Variants in SFTPC observed in about 807,000 individuals in gnomAD.
SFTPC encodes the protein BRICHOS domain containing 6.
A neutral mutation model predicts 19.9 loss-of-function variants in SFTPC; 12 were observed. The observed-to-expected ratio is 0.60, with a 90% CI of 0.39 to 0.98. The LOEUF is 0.98. Ranked by LOEUF, SFTPC falls within the 50% of genes least tolerant of loss-of-function variation. SFTPC has a pLI of 0.00. For missense variants in SFTPC, 219 were observed against 252.2 expected (o/e 0.87, Z 0.89); for synonymous variants, 123 against 103.3 (o/e 1.19, Z -1.16).
intron 5 of SFTPC, 62 bp from the exon 6 acceptor site, chr8:22,164,204 G>C (rs956368737): frequency 6.5e-7 from 1 of 1,528,952 alleles, no homozygotes; most frequent in Non-Finnish European, 8.7e-7. Context: ...GAAGCTCACA[G>C]ACCGGTACTT....
Position 22,163,974 on chromosome 8 carries a change from G to T in SFTPC, c.509G>T (p.Gly170Val). The change falls in exon 5 of 6, where the codon GGG becomes GTG. Residue 170 changes from glycine (G) to valine (V), a missense_variant. Physicochemically the swap from Gly to Val is moderately radical, Grantham distance 109 (BLOSUM62 -3). Transcript: ENST00000679463. ...GATGCAGGCTCAGCACCCTCCGGAG[G>T]GGACCCGGCCTTCCTGGGCATGGCC... ...GRDAGSAPSG[G>V]DPAFLGMAVS... 1 of 1,613,012 alleles carries T rather than the reference G, an allele frequency of 6.2e-7. No individual in the cohort carries two copies. The highest frequency in any genetic ancestry group is 8.5e-7 in the Non-Finnish European group (1 of 1,180,038).
At position 22,162,671 on chromosome 8, in the gene SFTPC, T is replaced by C; in HGVS notation, c.140T>C (p.Val47Ala). The change falls in exon 2 of 6, where the codon GTC becomes GCC. Residue 47 changes from valine (V) to alanine (A), a missense_variant. Physicochemically the swap from Val to Ala is moderately conservative, Grantham distance 64 (BLOSUM62 0). Coordinates refer to ENST00000679463, the MANE Select transcript of SFTPC (RefSeq NM_001317778.2). Reference sequence around the variant, plus strand: ...GTGGTGGTGGTGGTGGTCCTCATCGTCGTGGTGATTGTGGGAGCCCTGCTC... The same window carrying C: ...GTGGTGGTGGTGGTGGTCCTCATCGCCGTGGTGATTGTGGGAGCCCTGCTC... ...LIVVVVVVLI[V>A]VVIVGALLMG... The C allele has an allele frequency of 6.2e-7, 1 of 1,614,212 alleles. No individual in the cohort carries two copies. The highest frequency in any genetic ancestry group is 8.5e-7 in the Non-Finnish European group (1 of 1,180,020).
At chr8:22,160,932 A>T (rs531647576), upstream of SFTPC, among the ~76,000 whole-genome samples, 1 of 152,282 alleles carries the variant, frequency 6.6e-6, no homozygotes, top group Non-Finnish European at 1.5e-5. Flanking sequence ...CAGAAAGGGG[A>T]GTCTAGAGGG....
At chr8:22,162,867 C>T (rs371828620) in intron 2 of SFTPC, 135 bp downstream of exon 2, 21 of 1,374,510 alleles carry the variant, frequency 1.5e-5, no homozygotes, top group African/African-American at 1.4e-4. Flanking sequence ...GAAAGAGGCA[C>T]GAACCAGGCA....
chr8:22,163,581 C>G lies in SFTPC; in HGVS notation c.435+35C>G, dbSNP rs74657125. The G allele has an allele frequency of 2.8e-4, 399 of 1,444,108 alleles. 2 individuals are homozygous for G. The African/African-American group carries it at 5.1e-3, about 18-fold the overall frequency. 89.5% of individuals were successfully genotyped at this position (1,444,108 alleles called of 1,614,324 possible). On this transcript the variant is annotated intron_variant, in intron 4 of 5. Transcript: ENST00000679463. ...TGTGGGTGAAAAGAGTGGGCTGTCT[C>G]CCTCCCAGGGCTGCTGGGAGGAGTG...
chr8:22,158,992 A>C (rs894967827), upstream of SFTPC: 1 of 152,260 alleles, frequency 6.6e-6, no homozygotes, highest in African/African-American at 2.4e-5. Flanking sequence ...TCATGGGAAC[A>C]TTCATGTGTG....
intron 3 of SFTPC, 74 bp downstream of exon 3, chr8:22,163,276 C>A: frequency 6.3e-7 from 1 of 1,591,630 alleles, no homozygotes; most frequent in Non-Finnish European, 8.6e-7. Context: ...TGGGCCACTT[C>A]ATCCACATCC....
upstream of SFTPC, among the ~76,000 whole-genome samples, chr8:22,160,998 C>T (rs1458752282): frequency 1.3e-5 from 2 of 152,092 alleles, no homozygotes; most frequent in African/African-American, 4.8e-5. Context: ...AGACTGGGAG[C>T]CCACCAGTGA....
In SFTPC at chr8:22,163,980, C is replaced by T. The variant is rs759031390; in HGVS notation, c.515C>T (p.Pro172Leu). The T allele has an allele frequency of 5.6e-6, 9 of 1,612,744 alleles. No homozygotes were observed. The highest frequency in any genetic ancestry group is 1.3e-5 in the African/African-American group (1 of 74,908). The change falls in exon 5 of 6, where the codon CCG becomes CTG. Residue 172 changes from proline to leucine, a missense_variant. Coordinates refer to ENST00000679463, the MANE Select transcript of SFTPC (RefSeq NM_001317778.2). ...GGCTCAGCACCCTCCGGAGGGGACC[C>T]GGCCTTCCTGGGCATGGCCGTGAGC... ...DAGSAPSGGD[P>L]AFLGMAVSTL...
chr8:22,160,240 G>A (rs1452505811), upstream of SFTPC, among the ~76,000 whole-genome samples: 2 of 152,160 alleles, frequency 1.3e-5, no homozygotes, highest in Non-Finnish European at 2.9e-5. Context: ...GGGGGACAGG[G>A]GAACCTGCCA....
chr8:22,163,334 G>C, intron 3 of SFTPC, 102 bp from the exon 4 acceptor site: 6 of 1,518,284 alleles, frequency 4.0e-6, no homozygotes, highest in Non-Finnish European at 5.5e-6. Flanking sequence ...CCAGATTCTA[G>C]TATGACTCCC....
chr8:22,163,934 C>G lies in SFTPC; in HGVS notation c.469C>G (p.Gln157Glu). ...KPAVPTSKLG[Q>E]AEGRDAGSAP... ...CGCAGTGCCTACGTCTAAGCTGGGC[C>G]AGGCAGAGGGGCGAGATGCAGGCTC... Residue 157 changes from glutamine (Q) to glutamate (E), a missense_variant, in exon 5 of 6, where the codon CAG (glutamine) becomes GAG (glutamate). Physicochemically the swap from Gln to Glu is conservative, Grantham distance 29. Transcript: ENST00000679463. 2 of 1,613,874 alleles carry G rather than the reference C, an allele frequency of 1.2e-6. No homozygotes were observed. Among genetic ancestry groups the G allele is most frequent in the South Asian group, 1.1e-5 (1 of 91,084 alleles).
Position 22,163,214 on chromosome 8 carries a change from C to T in SFTPC, c.324+12C>T, listed in dbSNP as rs907513801. 6.2e-7 allele frequency: 1 copy of T among 1,614,018 alleles called. No individual in the cohort carries two copies. Among genetic ancestry groups the T allele is most frequent in the Non-Finnish European group, 8.5e-7 (1 of 1,180,034 alleles). ...ATGACTACCAGCAGGTGGGTATGCCCAGACCTCCTGACCCTGGGACCAATG... is the reference window on the plus strand; with the variant it reads ...ATGACTACCAGCAGGTGGGTATGCCTAGACCTCCTGACCCTGGGACCAATG... On this transcript the variant is annotated intron_variant, in intron 3 of 5. Coordinates refer to ENST00000679463, the MANE Select transcript of SFTPC (RefSeq NM_001317778.2).
chr8:22,162,018 C>G, intron 1 of SFTPC, 148 bp downstream of exon 1: 2 of 874,332 alleles, frequency 2.3e-6, no homozygotes, highest in South Asian at 2.8e-5. Context: ...ATGGGGACAC[C>G]AAGACCACTA....
At chr8:22,160,611 A>G (rs1827677363), upstream of SFTPC, among the ~76,000 whole-genome samples, 1 of 151,632 alleles carries the variant, frequency 6.6e-6, no homozygotes, top group Non-Finnish European at 1.5e-5. Context: ...ACCCTGTCTC[A>G]CAACAAAACA....
At chr8:22,161,425 G>C (rs918335679), upstream of SFTPC, among the ~76,000 whole-genome samples, 2 of 152,150 alleles carry the variant, frequency 1.3e-5, no homozygotes, top group African/African-American at 4.8e-5. Flanking sequence ...AAATATGATG[G>C]TCAGACCCTT....
upstream of SFTPC, among the ~76,000 whole-genome samples, chr8:22,160,023 G>A (rs372956221): frequency 1.1e-4 from 17 of 152,258 alleles, no homozygotes; most frequent in East Asian, 1.7e-3. Context: ...CCCTCCTCCC[G>A]GCACCCCTCC....
At chr8:22,158,518 A>C (rs8192308), upstream of SFTPC, 29,089 of 152,300 alleles carry the variant, frequency 0.19, 3,453 homozygotes, top group Admixed American at 0.29. Flanking sequence ...TCCATCACTC[A>C]GGGCTCTCAG....
chr8:22,158,128 G>A (rs1827569345), upstream of SFTPC, among the ~76,000 whole-genome samples: 1 of 152,246 alleles, frequency 6.6e-6, no homozygotes, highest in Non-Finnish European at 1.5e-5. Context: ...TGGGCTTCTA[G>A]TCTTGTGCTT....
Sources: gnomAD v4.1 joint callset for allele counts (sites outside exome capture counted in the v4.1 genomes callset) on GRCh38, gnomAD v4.1.1 for gene constraint, MANE v1.5 for transcripts, NCBI Gene and HGNC (gene_info 2026-07-23, HGNC 2026-07-21) for gene names.